The following FBXW10 variants were observed in gnomAD, a reference collection of about 807,000 sequenced individuals.
FBXW10 encodes F-box/WD repeat-containing protein 10.
FBXW10 carries 68 observed loss-of-function variants against 113.1 expected under a neutral mutation model. That is an observed-to-expected ratio of 0.60 (90% CI 0.49 to 0.74). FBXW10 has a LOEUF of 0.74. Ranked by LOEUF, FBXW10 falls within the 30% of genes least tolerant of loss-of-function variation. The probability of loss-of-function intolerance (pLI) is 0.00; values close to 1 mark genes in which losing one functional copy is unlikely to be tolerated. For missense variants in FBXW10, 753 were observed against 1,284.5 expected (o/e 0.59, Z 6.32); for synonymous variants, 289 against 481.6 (o/e 0.60, Z 5.24).
Position 18,766,336 on chromosome 17 carries a change from C to A in FBXW10, c.1556-378C>A, listed in dbSNP as rs538876633. On this transcript the variant is annotated intron_variant, in intron 8 of 13. Coordinates refer to ENST00000395665, the MANE Select transcript of FBXW10 (RefSeq NM_001267585.2). ...TTTTTTTTTTTTAATTTTACCTGCCCCTACTCAAGCTGTATGCCATGATTT... is the reference window on the plus strand; with the variant it reads ...TTTTTTTTTTTTAATTTTACCTGCCACTACTCAAGCTGTATGCCATGATTT... Among the ~76,000 whole-genome samples the A allele has an allele frequency of 1.9e-3, 294 of 152,022 alleles. 1 individual carries two copies. Among genetic ancestry groups the A allele is most frequent in the African/African-American group, 6.6e-3 (273 of 41,462 alleles).
At chr17:18,749,956 A>T (rs2035127171) in intron 3 of FBXW10, 34 bp downstream of exon 3, 1 of 1,611,058 alleles carries the variant, frequency 6.2e-7, no homozygotes, top group Non-Finnish European at 8.5e-7. Flanking sequence ...TTTCCCAGAC[A>T]CCTCCCCTCT....
intron 13 of FBXW10, among the ~76,000 whole-genome samples, chr17:18,777,737 G>A (rs2035729598): frequency 1.3e-5 from 2 of 150,996 alleles, no homozygotes; most frequent in African/African-American, 2.4e-5. Context: ...TAGAGACGGG[G>A]TTTCACCGTG....
intron 7 of FBXW10, among the ~76,000 whole-genome samples, chr17:18,763,444 C>A (rs569124218): frequency 2.6e-5 from 4 of 152,028 alleles, no homozygotes; most frequent in Non-Finnish European, 5.9e-5. Context: ...GTGTGAGCCA[C>A]CGTGCCCGGC....
chr17:18,744,320 T>A lies in FBXW10; in HGVS notation c.76T>A (p.Cys26Ser). The A allele has an allele frequency of 6.2e-7, 1 of 1,613,574 alleles. No homozygotes were observed. Among genetic ancestry groups the A allele is most frequent in the Middle Eastern group, 1.7e-4 (1 of 6,056 alleles). ...CEKGTDSIPL[C>S]RKCETCVLAW... ...GAAGGGAACCGATTCCATCCCTCTA[T>A]GCCGGAAGTGTGAGACGTGTGTCTT... Residue 26 changes from cysteine to serine, a missense_variant, in exon 1 of 14, where the codon TGC (cysteine) becomes AGC (serine). Physicochemically the swap from Cys to Ser is moderately radical, Grantham distance 112. Transcript: ENST00000395665.
intron 13 of FBXW10, among the ~76,000 whole-genome samples, chr17:18,776,319 G>A (rs1461883768): frequency 1.6e-4 from 24 of 151,162 alleles, no homozygotes; most frequent in African/African-American, 3.4e-4. Context: ...GCAAGATTCC[G>A]TTTAAAAAAA....
chr17:18,769,664 C>A (rs2035569350), intron 10 of FBXW10: 2 of 408,726 alleles, frequency 4.9e-6, no homozygotes, highest in African/African-American at 2.0e-5. Flanking sequence ...GTAATCCCAG[C>A]TACTTGGGAG....
intron 7 of FBXW10, among the ~76,000 whole-genome samples, chr17:18,759,993 C>T (rs140493980): frequency 2.6e-5 from 4 of 152,156 alleles, no homozygotes; most frequent in East Asian, 1.9e-4. Context: ...CCCATGTGCA[C>T]GAGTTTTTTA....
At position 18,764,759 on chromosome 17, in the gene FBXW10, G is replaced by C. The variant is rs759598751; in HGVS notation, c.1451G>C (p.Ser484Thr). ...TCCTGCAGATACTGGGATCTGAAAA[G>C]TGGGGTTTGCACACGAATCTTCGGT... Reference protein sequence around the residue: ...DLSIRYWDLKSGVCTRIFGGH... With the variant: ...DLSIRYWDLKTGVCTRIFGGH... Residue 484 changes from serine (S) to threonine (T), a missense_variant, in exon 8 of 14, where the codon AGT becomes ACT. Physicochemically the swap from Ser to Thr is moderately conservative, Grantham distance 58. Coordinates refer to ENST00000395665, the MANE Select transcript of FBXW10 (RefSeq NM_001267585.2). The C allele has an allele frequency of 1.4e-5, 23 of 1,613,856 alleles. No homozygotes were observed. The highest frequency in any genetic ancestry group is 1.9e-5 in the Non-Finnish European group (22 of 1,179,846).
Position 18,761,501 on chromosome 17 carries a change from G to A in FBXW10, c.1433+2996G>A, listed in dbSNP as rs577907105. On this transcript the variant is annotated intron_variant, in intron 7 of 13. Transcript: ENST00000395665. ...AGGATGGTCTCGATCTCCTGACCTC[G>A]TGATTCGCCCGCCTCGGCCTCCCAA... Among the ~76,000 whole-genome samples, 335 of 152,198 alleles carry A rather than the reference G, an allele frequency of 2.2e-3. 1 individual carries two copies. The highest frequency in any genetic ancestry group is 7.7e-3 in the African/African-American group (318 of 41,538).
At chr17:18,775,577 G>C (rs889920661) in intron 13 of FBXW10, among the ~76,000 whole-genome samples, 1 of 152,192 alleles carries the variant, frequency 6.6e-6, no homozygotes, top group Non-Finnish European at 1.5e-5. Context: ...TCATCAATCT[G>C]AGAAATGGGC....
At chr17:18,749,254 C>T (rs1222454766) in intron 2 of FBXW10, among the ~76,000 whole-genome samples, 1 of 151,980 alleles carries the variant, frequency 6.6e-6, no homozygotes, top group African/African-American at 2.4e-5. Flanking sequence ...AGATTCTATT[C>T]TCGGCCGAGT....
Position 18,744,545 on chromosome 17 carries a change from G to A in FBXW10, c.301G>A (p.Val101Ile), listed in dbSNP as rs2035001194. 2 of 1,613,912 alleles carry A rather than the reference G, an allele frequency of 1.2e-6. No homozygotes were observed. The highest frequency in any genetic ancestry group is 1.3e-5 in the African/African-American group (1 of 74,932). ...RINLSKKEGKVVKSSLNQMLD... is the reference protein window; with the variant it reads ...RINLSKKEGKIVKSSLNQMLD... ...CAACCTCAGCAAGAAAGAGGGGAAA[G>A]TTGTGAAGTCCTCCTTGAACCAAAT... Residue 101 changes from valine to isoleucine, a missense_variant, in exon 1 of 14, where the codon GTT becomes ATT. By Grantham distance (29) the Val-to-Ile change is conservative. Coordinates refer to ENST00000395665, the MANE Select transcript of FBXW10 (RefSeq NM_001267585.2).
In FBXW10 at chr17:18,750,961, T is replaced by C. The variant is rs568394726; in HGVS notation, c.1030T>C (p.Tyr344His). 3 of 1,614,162 alleles carry C rather than the reference T, an allele frequency of 1.9e-6. No homozygotes were observed. The Admixed American group carries it at 5.0e-5, about 27-fold the overall frequency. Residue 344 changes from tyrosine (Y) to histidine (H), a missense_variant, in exon 5 of 14, where the codon TAT (tyrosine) becomes CAT (histidine). Coordinates refer to ENST00000395665, the MANE Select transcript of FBXW10 (RefSeq NM_001267585.2). ...GSYTRGIDPN[Y>H]ANKVSIPVPK... ...CTACACAAGAGGAATTGATCCTAAT[T>C]ATGCCAATAAGGTTTCTATCCCAGT... is the stretch of plus-strand genomic sequence containing the variant.
chr17:18,761,314 A>G (rs1294673458), intron 7 of FBXW10, among the ~76,000 whole-genome samples: 2 of 150,102 alleles, frequency 1.3e-5, no homozygotes, highest in Admixed American at 6.7e-5. Context: ...CGCCCAGGCT[A>G]GAGTGCAGTG....
chr17:18,775,060 T>C (rs1374256232), intron 12 of FBXW10, 76 bp from the exon 13 acceptor site: 3 of 925,122 alleles, frequency 3.2e-6, no homozygotes, highest in Non-Finnish European at 5.2e-6. Context: ...ATCAGCCCCA[T>C]TATTATTGAT....
In FBXW10 at chr17:18,772,625, C is replaced by T. The variant is rs139177136; in HGVS notation, c.2220C>T (p.Leu740=). 358 of 1,614,108 alleles carry T rather than the reference C, an allele frequency of 2.2e-4. 3 individuals carry two copies. The African/African-American group carries it at 4.2e-3, about 19-fold the overall frequency. Residue 740 remains leucine, a synonymous_variant, in exon 12 of 14, where the codon CTC becomes CTT. Coordinates refer to ENST00000395665, the MANE Select transcript of FBXW10 (RefSeq NM_001267585.2). Reference sequence around the variant, plus strand: ...GTAAACAAACTGTGATCCAAGAGCTCCTACCAGGCAAACCTCCCAAGTCCC... The same window carrying T: ...GTAAACAAACTGTGATCCAAGAGCTTCTACCAGGCAAACCTCCCAAGTCCC... ...VSSKQTVIQE[L]LPGKPPKSRV...
intron 5 of FBXW10, among the ~76,000 whole-genome samples, chr17:18,753,366 C>T (rs2151797605): frequency 6.6e-6 from 1 of 152,064 alleles, no homozygotes; most frequent in Middle Eastern, 3.4e-3. Context: ...ACACAACTCT[C>T]CCTCCCAGAT....
At chr17:18,775,431 G>A (rs1368822534) in intron 13 of FBXW10, among the ~76,000 whole-genome samples, 1 of 152,196 alleles carries the variant, frequency 6.6e-6, no homozygotes, top group African/African-American at 2.4e-5. Flanking sequence ...TCCCAAGAGT[G>A]ACTGGTTTTC....
intron 9 of FBXW10, among the ~76,000 whole-genome samples, chr17:18,768,091 A>C (rs187558828): frequency 5.6e-4 from 64 of 113,938 alleles, no homozygotes; most frequent in African/African-American, 2.1e-3. Flanking sequence ...TTTGAGACAG[A>C]GTCTCACTCT....
Sources: gnomAD v4.1 joint callset for allele counts (sites outside exome capture counted in the v4.1 genomes callset) on GRCh38, gnomAD v4.1.1 for gene constraint, MANE v1.5 for transcripts, NCBI Gene and HGNC (gene_info 2026-07-23, HGNC 2026-07-21) for gene names.